CHL1: variants seen among roughly 807,000 people sequenced by gnomAD.
The protein encoded by CHL1 is cell adhesion molecule L1 like.
In CHL1, 96 loss-of-function variants were observed where a neutral mutation model predicts 141.9. The ratio of observed to expected loss-of-function variants is 0.68; its 90% CI spans 0.57 to 0.80. The LOEUF (loss-of-function observed/expected upper bound fraction) is 0.80, where lower values mean the gene tolerates loss of function less well. Among genes scored for constraint, CHL1 ranks in the 30% least tolerant of loss-of-function variants. The pLI is 0.00. For missense variants in CHL1, 1,820 were observed against 1,457.2 expected, an observed-to-expected ratio of 1.25 and a Z score of -4.05; for synonymous variants, 613 against 502.2, an observed-to-expected ratio of 1.22 and a Z score of -2.95.
chr3:209,281 G>T (rs1361881133), intron 1 of CHL1, among the ~76,000 whole-genome samples: 4 of 152,186 alleles, frequency 2.6e-5, no homozygotes, highest in Admixed American at 2.0e-4. Flanking sequence ...GCAAGTTGGA[G>T]CAGATGAGGG....
intron 11 of CHL1, among the ~76,000 whole-genome samples, chr3:358,749 G>T (rs190848693): frequency 6.6e-6 from 1 of 151,642 alleles, no homozygotes; most frequent in Non-Finnish European, 1.5e-5. Flanking sequence ...AAAAAGATGT[G>T]TAAGTCTTTT....
intron 16 of CHL1, 98 bp from the exon 17 acceptor site, chr3:382,081 G>T (rs947815957): frequency 8.2e-6 from 8 of 971,890 alleles, no homozygotes; most frequent in Non-Finnish European, 1.3e-5. Context: ...TAAGAGGGTG[G>T]TACCTCCTCT....
chr3:197,438 C>G (rs923927604), intron 1 of CHL1: 1 of 160,270 alleles, frequency 6.2e-6, no homozygotes, highest in Non-Finnish European at 1.4e-5. Flanking sequence ...GGATTCCAGA[C>G]CCCCCCGTAG....
At chr3:223,490 T>C (rs1416388447) in intron 1 of CHL1, among the ~76,000 whole-genome samples, 2 of 152,302 alleles carry the variant, frequency 1.3e-5, no homozygotes, top group East Asian at 3.9e-4. Flanking sequence ...ATAAGACCTA[T>C]CTCAGAAGGT....
intron 9 of CHL1, among the ~76,000 whole-genome samples, chr3:348,228 C>T (rs1355316951): frequency 6.6e-6 from 1 of 152,124 alleles, no homozygotes; most frequent in African/African-American, 2.4e-5. Context: ...ATTTATTGCT[C>T]CAGTGACCTT....
At chr3:224,358 A>G (rs1435251401) in intron 1 of CHL1, among the ~76,000 whole-genome samples, 1 of 152,188 alleles carries the variant, frequency 6.6e-6, no homozygotes, top group Non-Finnish European at 1.5e-5. Flanking sequence ...TAGTTTGAAT[A>G]TATATCTCCG....
At chr3:290,820 C>T (rs1159646452) in intron 2 of CHL1, among the ~76,000 whole-genome samples, 2 of 151,640 alleles carry the variant, frequency 1.3e-5, no homozygotes, top group African/African-American at 4.8e-5. Context: ...CCTGTAATCC[C>T]AGCTACTTGG....
intron 10 of CHL1, among the ~76,000 whole-genome samples, chr3:353,123 A>G (rs1029681076): frequency 1.3e-5 from 2 of 152,200 alleles, no homozygotes; most frequent in African/African-American, 4.8e-5. Flanking sequence ...TTTCAGTAAT[A>G]CTAATATTAC....
intron 1 of CHL1, among the ~76,000 whole-genome samples, chr3:198,911 T>G (rs1698665960): frequency 6.6e-6 from 1 of 152,200 alleles, no homozygotes; most frequent in African/African-American, 2.4e-5. Context: ...GAAGTTGGCT[T>G]TTCAGTATAT....
chr3:236,569 A>G (rs1159174672), intron 1 of CHL1, among the ~76,000 whole-genome samples: 1 of 152,198 alleles, frequency 6.6e-6, no homozygotes, highest in Non-Finnish European at 1.5e-5. Context: ...TTTAACATAT[A>G]TGATCTATTA....
chr3:347,123 T>C (rs1296986296), intron 9 of CHL1, among the ~76,000 whole-genome samples: 1 of 152,174 alleles, frequency 6.6e-6, no homozygotes, highest in African/African-American at 2.4e-5. Flanking sequence ...GGAAAACTTA[T>C]AAAATGGCCA....
rs1192394572 is a variant in CHL1, at chr3:407,008, G to A, written c.*1297G>A. 1 of 151,898 alleles carries A rather than the reference G, an allele frequency of 6.6e-6. No homozygotes were observed. The allele number at this position is 151,898 out of a possible 1,614,324, so 9.4% of individuals were successfully genotyped here. A position where few individuals can be genotyped will look rare whatever the true frequency, so the allele number is the denominator to read the frequency against. ...TCTTTGTGGTGAGAATTTTTTCCCC[G>A]ATATTCTCCTTCTGTCAAAGTCAGA... On this transcript the variant is annotated 3_prime_UTR_variant, in exon 28 of 28. Transcript: ENST00000256509.
intron 2 of CHL1, among the ~76,000 whole-genome samples, chr3:268,862 C>T (rs138151197): frequency 1.0e-3 from 158 of 152,246 alleles, no homozygotes; most frequent in African/African-American, 3.4e-3. Context: ...TTCCAGTATT[C>T]GAGAATACAG....
chr3:333,056 T>G (rs2125101433), intron 5 of CHL1, among the ~76,000 whole-genome samples: 1 of 151,154 alleles, frequency 6.6e-6, no homozygotes, highest in African/African-American at 2.4e-5. Flanking sequence ...CTGACCAGAA[T>G]ATGATATGAG....
chr3:232,717 C>T (rs994192874), intron 1 of CHL1, among the ~76,000 whole-genome samples: 16 of 151,700 alleles, frequency 1.1e-4, no homozygotes, highest in African/African-American at 3.4e-4. Context: ...TCATTGCCAC[C>T]CTGTGAGTGA....
intron 1 of CHL1, among the ~76,000 whole-genome samples, chr3:201,496 G>A (rs1218723395): frequency 1.3e-5 from 2 of 152,128 alleles, no homozygotes; most frequent in Non-Finnish European, 2.9e-5. Context: ...AGAAGTGTGT[G>A]TGAGTGTATA....
chr3:403,105 A>G (rs1047599036), intron 27 of CHL1, among the ~76,000 whole-genome samples: 10 of 152,166 alleles, frequency 6.6e-5, no homozygotes, highest in African/African-American at 9.7e-5. Flanking sequence ...GGCTGTTGGC[A>G]GGATATAGTT....
chr3:235,409 A>G (rs1330009988), intron 1 of CHL1, among the ~76,000 whole-genome samples: 1 of 152,132 alleles, frequency 6.6e-6, no homozygotes, highest in East Asian at 1.9e-4. Flanking sequence ...CATGGGTTGT[A>G]AGGATAAAAT....
Position 219,723 on chromosome 3 carries a change from A to G in CHL1, c.-175+22660A>G, listed in dbSNP as rs1450263488. On this transcript the variant is annotated intron_variant, in intron 1 of 27. Coordinates refer to ENST00000256509, the MANE Select transcript of CHL1 (RefSeq NM_006614.4). ...GGTGGAGGGTGGGAGGAGGGAGAGG[A>G]TCAGAAAAATTAACTAATGGGAACT... 2.0e-5 allele frequency among the ~76,000 whole-genome samples: 3 copies of G among 152,204 alleles called. No individual in the cohort carries two copies. The East Asian group carries it at 5.8e-4, about 29-fold the overall frequency.
Sources: allele counts gnomAD v4.1 joint callset (sites outside exome capture counted in the v4.1 genomes callset), GRCh38; gene constraint gnomAD v4.1.1; transcripts MANE v1.5; gene names NCBI Gene and HGNC (gene_info 2026-07-23, HGNC 2026-07-21).